Variants in RDX observed in about 807,000 individuals in gnomAD.
RDX encodes radixin.
Under a neutral mutation model 83.7 loss-of-function variants are expected in RDX, and 32 were observed. The ratio of observed to expected loss-of-function variants is 0.38; its 90% CI spans 0.29 to 0.51. The LOEUF is 0.51. Ranked by LOEUF, RDX falls within the 20% of genes least tolerant of loss-of-function variation. The probability of loss-of-function intolerance (pLI) is 0.87; values close to 1 mark genes in which losing one functional copy is unlikely to be tolerated. For missense variants in RDX, 600 were observed against 689.9 expected, an observed-to-expected ratio of 0.87 and a Z score of 1.46; for synonymous variants, 229 against 222.7, an observed-to-expected ratio of 1.03 and a Z score of -0.25.
At chr11:110,246,803 G>A in intron 10 of RDX, among the ~76,000 whole-genome samples, 1 of 150,300 alleles carries the variant, frequency 6.7e-6, no homozygotes, top group East Asian at 1.9e-4. Context: ...ATGCTCAATA[G>A]GACAATGCAA....
At chr11:110,254,727 C>G (rs1002569513) in intron 8 of RDX, among the ~76,000 whole-genome samples, 1 of 152,070 alleles carries the variant, frequency 6.6e-6, no homozygotes, top group African/African-American at 2.4e-5. Flanking sequence ...CTGCTCCTCT[C>G]GAGCCTCCCA....
intron 14 of RDX, among the ~76,000 whole-genome samples, chr11:110,222,800 CAAAT>C (rs1036906469): frequency 4.6e-5 from 7 of 151,542 alleles, no homozygotes; most frequent in African/African-American, 4.8e-5. Context: ...ACTCCCAACT[CAAAT>C]AAATGAATGA....
intron 2 of RDX, among the ~76,000 whole-genome samples, chr11:110,278,253 A>G (rs1043548138): frequency 1.3e-5 from 2 of 151,072 alleles, no homozygotes; most frequent in Admixed American, 6.6e-5. Flanking sequence ...TGCTTTAGCT[A>G]CTCTGTACAC....
intron 14 of RDX, among the ~76,000 whole-genome samples, chr11:110,208,656 C>T (rs1260156295): frequency 1.3e-5 from 2 of 152,132 alleles, no homozygotes; most frequent in Non-Finnish European, 2.9e-5. Context: ...CTTTAACAAT[C>T]ATTTATTAAT....
At chr11:110,223,980 G>A (rs771909749) in intron 14 of RDX, among the ~76,000 whole-genome samples, 1 of 151,944 alleles carries the variant, frequency 6.6e-6, no homozygotes, top group Non-Finnish European at 1.5e-5. Flanking sequence ...AGCCGAGATA[G>A]CGCCATTGCA....
intron 15 of RDX, among the ~76,000 whole-genome samples, chr11:110,193,592 T>C (rs1012839372): frequency 5.9e-5 from 9 of 152,252 alleles, no homozygotes; most frequent in Admixed American, 5.2e-4. Context: ...TGCCATCTAA[T>C]GACCTTCCTC....
chr11:110,254,500 C>T (rs1214254266), intron 8 of RDX, among the ~76,000 whole-genome samples: 3 of 149,376 alleles, frequency 2.0e-5, no homozygotes, highest in South Asian at 2.1e-4. Flanking sequence ...TTTTTTGAGA[C>T]GGAGTCTTGC....
chr11:110,292,146 A>C (rs1861269190), intron 1 of RDX, among the ~76,000 whole-genome samples: 1 of 152,108 alleles, frequency 6.6e-6, no homozygotes, highest in East Asian at 1.9e-4. Flanking sequence ...TACAAAAATT[A>C]GCCGGGCCTG....
chr11:110,252,846 G>C (rs1859395142), intron 9 of RDX, among the ~76,000 whole-genome samples: 1 of 152,010 alleles, frequency 6.6e-6, no homozygotes, highest in Admixed American at 6.6e-5. Flanking sequence ...TGCCCTGATT[G>C]TCTTCAAACT....
At chr11:110,207,275 T>C (rs961446733) in intron 14 of RDX, among the ~76,000 whole-genome samples, 1 of 152,148 alleles carries the variant, frequency 6.6e-6, no homozygotes, top group Non-Finnish European at 1.5e-5. Flanking sequence ...CACCTGGCCA[T>C]AAATGCACAT....
At chr11:110,185,661 A>G (rs1255216815) in intron 15 of RDX, 1 of 152,280 alleles carries the variant, frequency 6.6e-6, no homozygotes, top group Non-Finnish European at 1.5e-5. Flanking sequence ...AAGGCCGTGA[A>G]GCTGTCAGAC....
At chr11:110,272,744 G>A in intron 2 of RDX, 125 bp from the exon 3 acceptor site, 1 of 713,454 alleles carries the variant, frequency 1.4e-6, no homozygotes, top group Non-Finnish European at 2.4e-6. Context: ...AAATCTATTT[G>A]AAAAACAAAG....
intron 15 of RDX, among the ~76,000 whole-genome samples, chr11:110,192,594 G>A (rs1397031953): frequency 2.0e-5 from 3 of 152,128 alleles, no homozygotes; most frequent in Non-Finnish European, 4.4e-5. Flanking sequence ...CAGAATGGGA[G>A]AAAATATTCT....
chr11:110,292,300 A>G (rs1377549021), intron 1 of RDX, among the ~76,000 whole-genome samples: 1 of 151,870 alleles, frequency 6.6e-6, no homozygotes, highest in Non-Finnish European at 1.5e-5. Context: ...CTTGGAAAAA[A>G]AAAAAAAAAA....
intron 11 of RDX, 79 bp from the exon 12 acceptor site, chr11:110,236,270 A>C: frequency 9.9e-7 from 1 of 1,015,082 alleles, no homozygotes; most frequent in Non-Finnish European, 1.5e-6. Flanking sequence ...TTTAATGCAC[A>C]TGCTTAGGCT....
intron 14 of RDX, among the ~76,000 whole-genome samples, chr11:110,200,543 C>G (rs919952546): frequency 2.0e-5 from 3 of 152,216 alleles, no homozygotes; most frequent in African/African-American, 7.2e-5. Flanking sequence ...CTAGCAATCT[C>G]TATCTTACGA....
chr11:110,252,276 A>C (rs1859367294), intron 9 of RDX, among the ~76,000 whole-genome samples: 1 of 152,190 alleles, frequency 6.6e-6, no homozygotes. Context: ...TTCCACTTCC[A>C]TCTAAGCCTT....
intron 12 of RDX, among the ~76,000 whole-genome samples, chr11:110,234,002 C>T (rs1024019212): frequency 2.0e-5 from 3 of 152,082 alleles, no homozygotes; most frequent in African/African-American, 7.2e-5. Flanking sequence ...CTAACATCAC[C>T]AATTATTTGG....
At chr11:110,268,286 G>A (rs1860140539) in intron 3 of RDX, among the ~76,000 whole-genome samples, 1 of 150,496 alleles carries the variant, frequency 6.6e-6, no homozygotes, top group Non-Finnish European at 1.5e-5. Flanking sequence ...TCCAGCCTGG[G>A]TGACAGAGTA....
Sources: gnomAD v4.1 joint callset for allele counts (sites outside exome capture counted in the v4.1 genomes callset) on GRCh38, gnomAD v4.1.1 for gene constraint, MANE v1.5 for transcripts, NCBI Gene and HGNC (gene_info 2026-07-23, HGNC 2026-07-21) for gene names.